ITGA1: variants seen among roughly 807,000 people sequenced by gnomAD.
ITGA1 encodes integrin alpha-1.
Under a neutral mutation model 145.9 loss-of-function variants are expected in ITGA1, and 85 were observed. The ratio of observed to expected loss-of-function variants is 0.58; its 90% CI spans 0.49 to 0.70. The LOEUF (loss-of-function observed/expected upper bound fraction) is 0.70, where lower values mean the gene tolerates loss of function less well. Among genes scored for constraint, ITGA1 ranks in the 30% least tolerant of loss-of-function variants. The pLI is 0.00. For missense variants in ITGA1, 1,351 were observed against 1,418.7 expected, an observed-to-expected ratio of 0.95 and a Z score of 0.77; for synonymous variants, 520 against 495.3, an observed-to-expected ratio of 1.05 and a Z score of -0.66.
chr5:52,884,129 CTTTG>C (rs1231501944), intron 7 of ITGA1, among the ~76,000 whole-genome samples: 5 of 152,096 alleles, frequency 3.3e-5, no homozygotes, highest in South Asian at 2.1e-4. Flanking sequence ...CTGTTTTCAC[CTTTG>C]TTTGTATACT....
chr5:52,845,328 C>A (rs1443418376), intron 1 of ITGA1, among the ~76,000 whole-genome samples: 1 of 152,114 alleles, frequency 6.6e-6, no homozygotes, highest in Admixed American at 6.6e-5. Context: ...ATTTAGATAA[C>A]TTCCATTACC....
chr5:52,845,455 G>A (rs931336733), intron 1 of ITGA1, among the ~76,000 whole-genome samples: 4 of 152,126 alleles, frequency 2.6e-5, no homozygotes, highest in South Asian at 2.1e-4. Flanking sequence ...AGGGAATGTG[G>A]ATAGGGCCTG....
At chr5:52,894,860 G>T (rs1021723971) in intron 9 of ITGA1, among the ~76,000 whole-genome samples, 26 of 152,142 alleles carry the variant, frequency 1.7e-4, no homozygotes, top group African/African-American at 6.3e-4. Flanking sequence ...GCGTCAAGGG[G>T]CTGGGAAAAT....
intron 1 of ITGA1, among the ~76,000 whole-genome samples, chr5:52,827,288 C>T: frequency 6.6e-6 from 1 of 152,026 alleles, no homozygotes. Context: ...GACTGAATTG[C>T]TGTGATCTCA....
chr5:52,925,258 C>A lies in ITGA1; in HGVS notation c.2404-20C>A, dbSNP rs745883032. 6 of 1,599,422 alleles carry A rather than the reference C, an allele frequency of 3.8e-6. No homozygotes were observed. Among genetic ancestry groups the A allele is most frequent in the Middle Eastern group, 1.7e-4 (1 of 6,032 alleles). Reference sequence around the variant, plus strand: ...ATGCGTAGCTAAATTTTGAAAAATTCTTTCCTGTCATCATTTCAGATTCCC... The same window carrying A: ...ATGCGTAGCTAAATTTTGAAAAATTATTTCCTGTCATCATTTCAGATTCCC... On this transcript the variant is annotated intron_variant, in intron 18 of 28. Coordinates refer to ENST00000282588, the MANE Select transcript of ITGA1 (RefSeq NM_181501.2).
intron 11 of ITGA1, chr5:52,901,822 T>A (rs1750318008): frequency 6.6e-6 from 1 of 152,174 alleles, no homozygotes; most frequent in Non-Finnish European, 1.5e-5. Context: ...AAAAGGAAAT[T>A]TTTGGGTATG....
rs58967333 is a variant in ITGA1 at position 52,869,128 on chromosome 5, C to T, written c.624+3311C>T. On this transcript the variant is annotated intron_variant, in intron 6 of 28. Transcript: ENST00000282588. ...CTCTGAGGGTGGGGCTATAAGCCTGCATTATATATAAGCAACCCATATGAT... is the reference window on the plus strand; with the variant it reads ...CTCTGAGGGTGGGGCTATAAGCCTGTATTATATATAAGCAACCCATATGAT... Among the ~76,000 whole-genome samples, 1,427 of 152,218 alleles carry T rather than the reference C, an allele frequency of 9.4e-3. 18 individuals carry two copies. The highest frequency in any genetic ancestry group is 0.029 in the South Asian group (139 of 4,818).
At chr5:52,880,778 C>T (rs1749944561) in intron 6 of ITGA1, among the ~76,000 whole-genome samples, 1 of 152,178 alleles carries the variant, frequency 6.6e-6, no homozygotes, top group African/African-American at 2.4e-5. Context: ...AAGAGACATT[C>T]CTTTGGGCAA....
intron 1 of ITGA1, among the ~76,000 whole-genome samples, chr5:52,846,871 T>G (rs955969855): frequency 2.0e-5 from 3 of 151,604 alleles, no homozygotes; most frequent in Admixed American, 2.0e-4. Flanking sequence ...AATTGAAAAT[T>G]TCTATCTCCA....
At chr5:52,794,014 T>A (rs912779489) in intron 1 of ITGA1, among the ~76,000 whole-genome samples, 1 of 152,002 alleles carries the variant, frequency 6.6e-6, no homozygotes, top group African/African-American at 2.4e-5. Context: ...AAAAGTCAAC[T>A]AAGTTTTAAA....
chr5:52,830,322 C>A lies in ITGA1; in HGVS notation c.62-19043C>A, dbSNP rs754697425. Reference sequence around the variant, plus strand: ...CCCTGTTAAGAAACAGATGATGAGGCTTTAATTCAGTACATTCTCAAATTG... The same window carrying A: ...CCCTGTTAAGAAACAGATGATGAGGATTTAATTCAGTACATTCTCAAATTG... On this transcript the variant is annotated intron_variant, in intron 1 of 28. Coordinates refer to ENST00000282588, the MANE Select transcript of ITGA1 (RefSeq NM_181501.2). 1.4e-4 allele frequency among the ~76,000 whole-genome samples: 21 copies of A among 152,082 alleles called. 1 individual carries two copies. Among genetic ancestry groups the A allele is most frequent in the Admixed American group, 1.1e-3 (17 of 15,266 alleles).
chr5:52,812,103 GT>G (rs1392103001), intron 1 of ITGA1, among the ~76,000 whole-genome samples: 5 of 152,186 alleles, frequency 3.3e-5, no homozygotes. Context: ...CAGCTCTCTG[GT>G]TAAGAAAAGA....
intron 1 of ITGA1, among the ~76,000 whole-genome samples, chr5:52,819,832 T>C: frequency 6.6e-6 from 1 of 152,276 alleles, no homozygotes; most frequent in East Asian, 1.9e-4. Context: ...GTATAAGGTG[T>C]AAGGAAGGGA....
chr5:52,814,500 GC>G (rs1476003576), intron 1 of ITGA1, among the ~76,000 whole-genome samples: 10 of 152,150 alleles, frequency 6.6e-5, no homozygotes, highest in Non-Finnish European at 2.9e-5. Flanking sequence ...AAAACAAAGT[GC>G]ATCCCTTTCA....
Position 52,933,691 on chromosome 5 carries a change from G to C in ITGA1, c.2862-203G>C, listed in dbSNP as rs904852999. 1.3e-5 allele frequency: 4 copies of C among 300,386 alleles called. No individual in the cohort carries two copies. In the Admixed American group the frequency reaches 1.5e-4, roughly 11 times the overall value. The allele number at this position is 300,386 out of a possible 1,614,324, so 18.6% of individuals were successfully genotyped here. ...GCATTTTGGGGTCAAATAAGCATCA[G>C]TGACTATTGAACTAAATTACATAAT... On this transcript the variant is annotated intron_variant, in intron 22 of 28. Coordinates refer to ENST00000282588, the MANE Select transcript of ITGA1 (RefSeq NM_181501.2).
intron 14 of ITGA1, among the ~76,000 whole-genome samples, chr5:52,911,003 A>G (rs1750507610): frequency 3.0e-5 from 1 of 33,762 alleles, no homozygotes; most frequent in Non-Finnish European, 5.5e-5. Flanking sequence ...TATAGTATGT[A>G]TACTGTATAT....
intron 1 of ITGA1, among the ~76,000 whole-genome samples, chr5:52,814,327 G>A (rs1012277357): frequency 6.6e-6 from 1 of 151,890 alleles, no homozygotes; most frequent in African/African-American, 2.4e-5. Context: ...TTGTATAGGC[G>A]GGTTTTCGCC....
At chr5:52,909,531 T>G (rs1379909240) in intron 13 of ITGA1, among the ~76,000 whole-genome samples, 5 of 152,144 alleles carry the variant, frequency 3.3e-5, no homozygotes, top group Non-Finnish European at 7.4e-5. Flanking sequence ...TTAAATAATT[T>G]TTAATTTCTT....
In ITGA1 at chr5:52,957,581, G is replaced by A. The variant is rs1416477550; in HGVS notation, c.*5130G>A. On this transcript the variant is annotated 3_prime_UTR_variant, in exon 29 of 29. Coordinates refer to ENST00000282588, the MANE Select transcript of ITGA1 (RefSeq NM_181501.2). ...AGTGCTATGAGACTGGGCAGTAGGA[G>A]CCAGAGCCAATTTGCAGGATCTCTT... 6.6e-6 allele frequency: 1 copy of A among 152,184 alleles called. No homozygotes were observed. The highest frequency in any genetic ancestry group is 1.5e-5 in the Non-Finnish European group (1 of 68,064). 9.4% of individuals were successfully genotyped at this position (152,184 alleles called of 1,614,324 possible). A position where few individuals can be genotyped will look rare whatever the true frequency, so the allele number is the denominator to read the frequency against.
Sources: allele counts gnomAD v4.1 joint callset (sites outside exome capture counted in the v4.1 genomes callset), GRCh38; gene constraint gnomAD v4.1.1; transcripts MANE v1.5; gene names NCBI Gene and HGNC (gene_info 2026-07-23, HGNC 2026-07-21).